ADAMTS15: variants seen among roughly 807,000 people sequenced by gnomAD.
ADAMTS15 encodes ADAM metallopeptidase with thrombospondin type 1 motif 15.
In ADAMTS15, 35 loss-of-function variants were observed where a neutral mutation model predicts 79.1. The observed-to-expected ratio is 0.44, with a 90% CI of 0.34 to 0.59. ADAMTS15 has a LOEUF of 0.59. Among genes scored for constraint, ADAMTS15 ranks in the 20% least tolerant of loss-of-function variants. ADAMTS15 has a pLI of 0.02. For missense variants in ADAMTS15, 1,324 were observed against 1,318.7 expected (o/e 1.00, Z -0.06); for synonymous variants, 616 against 567.3 (o/e 1.09, Z -1.22).
intron 1 of ADAMTS15, among the ~76,000 whole-genome samples, chr11:130,456,920 G>C (rs1459846562): frequency 2.0e-5 from 3 of 152,196 alleles, no homozygotes; most frequent in Non-Finnish European, 4.4e-5. Flanking sequence ...GAATGCGTAT[G>C]TCTTCTGCCA....
rs139750111 is a variant in ADAMTS15 at position 130,471,312 on chromosome 11, C to G, written c.2007C>G (p.Phe669Leu). The G allele has an allele frequency of 7.4e-6, 12 of 1,612,960 alleles. No homozygotes were observed. The South Asian group carries it at 1.3e-4, about 18-fold the overall frequency. ...GGAACCTGGGCTCCAAGAAGAGATT[C>G]GACAAGTGTGGGGTGTGTGGGGGAG... ...CDGNLGSKKR[F>L]DKCGVCGGDN... Residue 669 changes from phenylalanine to leucine, a missense_variant, in exon 7 of 8, where the codon TTC becomes TTG. Coordinates refer to ENST00000299164, the MANE Select transcript of ADAMTS15 (RefSeq NM_139055.4).
Position 130,475,890 on chromosome 11 carries a change from T to G in ADAMTS15, c.*2069T>G, listed in dbSNP as rs1938575106. 1 of 130,208 alleles carries G rather than the reference T, an allele frequency of 7.7e-6. No individual in the cohort carries two copies. The highest frequency in any genetic ancestry group is 2.9e-5 in the African/African-American group (1 of 35,036). 8.1% of individuals were successfully genotyped at this position (130,208 alleles called of 1,614,324 possible). Reference sequence around the variant, plus strand: ...GGGTCTGTGCGGGATGGCAGGGGGATTGGGTGGGTGGGAAGAGAGGTGCCA... The same window carrying G: ...GGGTCTGTGCGGGATGGCAGGGGGAGTGGGTGGGTGGGAAGAGAGGTGCCA... On this transcript the variant is annotated 3_prime_UTR_variant, in exon 8 of 8. Coordinates refer to ENST00000299164, the MANE Select transcript of ADAMTS15 (RefSeq NM_139055.4).
chr11:130,466,125 G>A (rs190757726), intron 4 of ADAMTS15, among the ~76,000 whole-genome samples: 55 of 152,118 alleles, frequency 3.6e-4, no homozygotes, highest in African/African-American at 1.0e-3. Flanking sequence ...TGCTCACCTC[G>A]GCCTCCCAAA....
chr11:130,450,493 T>A (rs542792037), intron 1 of ADAMTS15: 1 of 962,226 alleles, frequency 1.0e-6, no homozygotes, highest in South Asian at 4.8e-5. Flanking sequence ...AGAGATTTTG[T>A]GGGTTGCAGT....
chr11:130,458,677 C>T (rs1379534681), intron 1 of ADAMTS15, among the ~76,000 whole-genome samples: 1 of 152,168 alleles, frequency 6.6e-6, no homozygotes, highest in Non-Finnish European at 1.5e-5. Context: ...GATAAAGTCA[C>T]ACATCTACTT....
intron 1 of ADAMTS15, among the ~76,000 whole-genome samples, chr11:130,456,899 C>T (rs761194110): frequency 6.6e-6 from 1 of 152,188 alleles, no homozygotes; most frequent in Non-Finnish European, 1.5e-5. Flanking sequence ...GAAGCAAAGT[C>T]CGCTACATGA....
At chr11:130,454,093 C>T (rs1410230902) in intron 1 of ADAMTS15, among the ~76,000 whole-genome samples, 1 of 152,224 alleles carries the variant, frequency 6.6e-6, no homozygotes, top group African/African-American at 2.4e-5. Context: ...GCTGAGATTA[C>T]AGGCGTGAGC....
rs1264126684 is a variant in ADAMTS15 at position 130,473,896 on chromosome 11, C to T, written c.*75C>T. 1.4e-6 allele frequency: 2 copies of T among 1,479,816 alleles called. No individual in the cohort carries two copies. The highest frequency in any genetic ancestry group is 1.8e-6 in the Non-Finnish European group (2 of 1,116,808). The allele number at this position is 1,479,816 out of a possible 1,614,324, so 91.7% of individuals were successfully genotyped here. ...GCGTTCTGCCAGCTGGAGTAGCGGG[C>T]AGAGGACGGTGGCCAGGGGCTCACG... On this transcript the variant is annotated 3_prime_UTR_variant, in exon 8 of 8. Transcript: ENST00000299164.
At chr11:130,470,170 A>ATATATG (rs1555081049) in intron 5 of ADAMTS15, among the ~76,000 whole-genome samples, 1 of 58,176 alleles carries the variant, frequency 1.7e-5, no homozygotes, top group Non-Finnish European at 3.3e-5. Flanking sequence ...ATATATATAT[A>ATATATG]TATATATATA....
chr11:130,460,369 C>G (rs944380283), intron 1 of ADAMTS15, among the ~76,000 whole-genome samples: 3 of 151,906 alleles, frequency 2.0e-5, no homozygotes, highest in Admixed American at 1.3e-4. Context: ...CTCTGCCTCC[C>G]AGGTTCAAGC....
At chr11:130,453,287 T>TC (rs1938003062) in intron 1 of ADAMTS15, among the ~76,000 whole-genome samples, 1 of 151,804 alleles carries the variant, frequency 6.6e-6, no homozygotes, top group African/African-American at 2.4e-5. Flanking sequence ...TGATTTTTTT[T>TC]TTTTTTTTAG....
chr11:130,458,208 G>T (rs781197157), intron 1 of ADAMTS15, among the ~76,000 whole-genome samples: 3 of 152,076 alleles, frequency 2.0e-5, no homozygotes, highest in Non-Finnish European at 4.4e-5. Context: ...TGGTCTAGCG[G>T]TTTCTTTCTT....
chr11:130,462,617 C>T lies in ADAMTS15; in HGVS notation c.1379C>T (p.Pro460Leu). The T allele has an allele frequency of 6.2e-7, 1 of 1,614,020 alleles. No homozygotes were observed. The highest frequency in any genetic ancestry group is 8.5e-7 in the Non-Finnish European group (1 of 1,179,934). The change falls in exon 4 of 8, where the codon CCT becomes CTT. Residue 460 changes from proline (P) to leucine (L), a missense_variant. Coordinates refer to ENST00000299164, the MANE Select transcript of ADAMTS15 (RefSeq NM_139055.4). This position sits in a 1 kb window ranked among gnomAD's most constrained non-coding sequence, Gnocchi z 4.3. ...TTTGGCGTGGGCTCCAAGCCCTGTC[C>T]TTACATGCAGTACTGCACCAAGCTG... ...LAFGVGSKPCPYMQYCTKLWC... is the reference protein window; with the variant it reads ...LAFGVGSKPCLYMQYCTKLWC...
rs749756707 is a variant in ADAMTS15, at chr11:130,473,492, C to T, written c.2524C>T (p.Arg842Cys). The T allele has an allele frequency of 2.3e-5, 37 of 1,610,530 alleles. 1 individual carries two copies. Among genetic ancestry groups the T allele is most frequent in the Admixed American group, 3.3e-5 (2 of 59,968 alleles). ...VEQPDDRPPA[R>C]WVAGSWGPCS... ...GCAGCCGGACGACAGGCCCCCTGCACGCTGGGTGGCTGGCAGCTGGGGGCC... is the reference window on the plus strand; with the variant it reads ...GCAGCCGGACGACAGGCCCCCTGCATGCTGGGTGGCTGGCAGCTGGGGGCC... The change falls in exon 8 of 8, where the codon CGC (arginine) becomes TGC (cysteine). Residue 842 changes from arginine to cysteine, a missense_variant. Coordinates refer to ENST00000299164, the MANE Select transcript of ADAMTS15 (RefSeq NM_139055.4).
intron 1 of ADAMTS15, chr11:130,450,504 G>A (rs757125378): frequency 1.1e-6 from 1 of 905,728 alleles, no homozygotes; most frequent in African/African-American, 1.8e-5. Flanking sequence ...GGGTTGCAGT[G>A]ACAGGCCAGA....
rs1282245342 is a variant in ADAMTS15 at position 130,449,651 on chromosome 11, G to A, written c.678G>A (p.Ala226=). ...GGTACGTGGAGACGCTGGTGGTCGC[G>A]GACGAGTCAATGGTCAAGTTCCACG... is the stretch of plus-strand genomic sequence containing the variant. ...IPRYVETLVV[A]DESMVKFHGA... is the part of the protein sequence containing the mutation. Residue 226 remains alanine (A), a synonymous_variant, in exon 1 of 8, where the codon GCG becomes GCA. Transcript: ENST00000299164. The surrounding 1 kb of genome is among the most constrained non-coding windows in gnomAD (Gnocchi z 7.8). 1 of 1,586,466 alleles carries A rather than the reference G, an allele frequency of 6.3e-7. No homozygotes were observed. Among genetic ancestry groups the A allele is most frequent in the South Asian group, 1.1e-5 (1 of 87,866 alleles).
chr11:130,468,912 T>G, intron 4 of ADAMTS15, among the ~76,000 whole-genome samples: 1 of 123,578 alleles, frequency 8.1e-6, no homozygotes, highest in Non-Finnish European at 1.6e-5. Flanking sequence ...ACTCCAGCCT[T>G]GGCAAAAGAG....
chr11:130,450,500 C>CA lies in ADAMTS15; in HGVS notation c.957+571dup, dbSNP rs1444797078. The CA allele has an allele frequency of 2.2e-5, 21 of 937,016 alleles. No homozygotes were observed. In the South Asian group the frequency reaches 7.4e-4, roughly 33 times the overall value. The allele number at this position is 937,016 out of a possible 1,614,324, so 58.0% of individuals were successfully genotyped here. On this transcript the variant is annotated intron_variant, in intron 1 of 7. Transcript: ENST00000299164. ...AATCATTGAGAGATTTTGTGGGTTG[C>CA]AGTGACAGGCCAGACTCAAGTACTG...
In ADAMTS15 at chr11:130,472,152, A is replaced by C. The variant is rs1478784107; in HGVS notation, c.2078+769A>C. 6.6e-6 allele frequency among the ~76,000 whole-genome samples: 1 copy of C among 152,206 alleles called. No individual in the cohort carries two copies. The highest frequency in any genetic ancestry group is 2.4e-5 in the African/African-American group (1 of 41,452). ...GGGTAGGCAGGGCACCTGAGGTCCC[A>C]GTTAGGGGTGGAGGCTATGGTTGGC... is the stretch of plus-strand genomic sequence containing the variant. On this transcript the variant is annotated intron_variant, in intron 7 of 7. Transcript: ENST00000299164. This position sits in a 1 kb window ranked among gnomAD's most constrained non-coding sequence, Gnocchi z 4.7.
Sources: allele counts gnomAD v4.1 joint callset (sites outside exome capture counted in the v4.1 genomes callset), GRCh38; gene constraint gnomAD v4.1.1; non-coding constraint Gnocchi (gnomAD v3.1); transcripts MANE v1.5; gene names NCBI Gene and HGNC (gene_info 2026-07-23, HGNC 2026-07-21).